Variants in PCDHGA1 observed in about 807,000 individuals in gnomAD.
PCDHGA1 encodes the protein protocadherin gamma-A1.
In PCDHGA1, 32 loss-of-function variants were observed where a neutral mutation model predicts 58.0. The observed-to-expected ratio is 0.55, with a 90% CI of 0.42 to 0.74. The LOEUF (loss-of-function observed/expected upper bound fraction) is 0.74, where lower values mean the gene tolerates loss of function less well. Among genes scored for constraint, PCDHGA1 ranks in the 30% least tolerant of loss-of-function variants. The pLI is 0.00. For missense variants in PCDHGA1, 1,205 were observed against 1,182.3 expected (o/e 1.02, Z -0.28); for synonymous variants, 498 against 501.1 (o/e 0.99, Z 0.08).
chr5:141,485,619 G>A lies in PCDHGA1; in HGVS notation c.2422-9188G>A. On this transcript the variant is annotated intron_variant, in intron 1 of 3. Coordinates refer to ENST00000517417, the MANE Select transcript of PCDHGA1 (RefSeq NM_018912.3). This position sits in a 1 kb window ranked among gnomAD's most constrained non-coding sequence, Gnocchi z 5.7. ...GAAATTGGGGAGGCAGCTCCTCCAG[G>A]ACAGCGTTTCCCGTTGGAAAAGGCT... 3 of 1,612,234 alleles carry A rather than the reference G, an allele frequency of 1.9e-6. No homozygotes were observed. The highest frequency in any genetic ancestry group is 2.5e-6 in the Non-Finnish European group (3 of 1,178,678).
intron 1 of PCDHGA1, chr5:141,390,882 G>C (rs892294372): frequency 6.5e-6 from 1 of 152,824 alleles, no homozygotes; most frequent in Admixed American, 6.5e-5. Flanking sequence ...GTGTGTGTGT[G>C]TGTGTGAGAG....
At chr5:141,409,898 G>A in intron 1 of PCDHGA1, 1 of 1,613,240 alleles carries the variant, frequency 6.2e-7, no homozygotes, top group Non-Finnish European at 8.5e-7. Flanking sequence ...GCTGTACCCA[G>A]CTCTGGGTCC....
rs769074023 is a variant in PCDHGA1 at position 141,491,738 on chromosome 5, G to T, written c.2422-3069G>T. On this transcript the variant is annotated intron_variant, in intron 1 of 3. Transcript: ENST00000517417. The surrounding 1 kb of genome is among the most constrained non-coding windows in gnomAD (Gnocchi z 6.9). The stretch of plus-strand genomic sequence containing the variant: ...GCGCCGCCCCGGGCGACCCCTGGGG[G>T]CGGCACTGGAGAAGCCGCCCGTCCT... 38 of 1,600,228 alleles carry T rather than the reference G, an allele frequency of 2.4e-5. No homozygotes were observed. The highest frequency in any genetic ancestry group is 3.1e-5 in the Non-Finnish European group (36 of 1,174,204).
rs368075478 is a variant in PCDHGA1, at chr5:141,403,866, A to G, written c.2421+70761A>G. The G allele has an allele frequency of 1.3e-4, 207 of 1,613,762 alleles. No individual in the cohort carries two copies. Among genetic ancestry groups the G allele is most frequent in the Non-Finnish European group, 1.6e-4 (186 of 1,179,844 alleles). On this transcript the variant is annotated intron_variant, in intron 1 of 3. Transcript: ENST00000517417. ...AATACTGGGGAAATATCAACAGCAA[A>G]AAGTCTAGATTATGAAGAATGTTCA...
In PCDHGA1 at chr5:141,431,469, A is replaced by G; in HGVS notation, c.2422-63338A>G. 1.9e-6 allele frequency: 3 copies of G among 1,613,824 alleles called. No individual in the cohort carries two copies. Among genetic ancestry groups the G allele is most frequent in the Non-Finnish European group, 2.5e-6 (3 of 1,179,968 alleles). ...CGCGTGATGGTTCTGGATGCGAACG[A>G]CAACGCACCAGCGTTTGCTCAGCCC... is the stretch of plus-strand genomic sequence containing the variant. On this transcript the variant is annotated intron_variant, in intron 1 of 3. Coordinates refer to ENST00000517417, the MANE Select transcript of PCDHGA1 (RefSeq NM_018912.3). This position sits in a 1 kb window ranked among gnomAD's most constrained non-coding sequence, Gnocchi z 4.8.
At chr5:141,415,122 C>G (rs552568826) in intron 1 of PCDHGA1, 1 of 1,613,668 alleles carries the variant, frequency 6.2e-7, no homozygotes, top group Non-Finnish European at 8.5e-7. Context: ...TCGTAGTGGC[C>G]GTCCAGGACC....
chr5:141,404,085 A>G, intron 1 of PCDHGA1: 1 of 1,613,618 alleles, frequency 6.2e-7, no homozygotes, highest in South Asian at 1.1e-5. Context: ...GACTCCGGGA[A>G]GAATGGTCAA....
At chr5:141,385,132 G>A (rs763210124) in intron 1 of PCDHGA1, 9 of 1,614,208 alleles carry the variant, frequency 5.6e-6, no homozygotes, top group Middle Eastern at 1.6e-4. Flanking sequence ...GGGCATGGAC[G>A]GGGTGCAGGC....
intron 1 of PCDHGA1, chr5:141,399,924 G>A: frequency 6.2e-7 from 1 of 1,612,346 alleles, no homozygotes; most frequent in Non-Finnish European, 8.5e-7. Context: ...ACAACGCCTG[G>A]CTGTCCTACC....
chr5:141,482,645 G>A (rs1267966412), intron 1 of PCDHGA1, among the ~76,000 whole-genome samples: 1 of 152,120 alleles, frequency 6.6e-6, no homozygotes, highest in Admixed American at 6.5e-5. Context: ...TAGAGGTGGT[G>A]ATGCTTGAGC....
intron 2 of PCDHGA1, among the ~76,000 whole-genome samples, chr5:141,497,622 C>G (rs1434147255): frequency 6.6e-6 from 1 of 151,538 alleles, no homozygotes; most frequent in African/African-American, 2.4e-5. Context: ...TCACTGCAAC[C>G]TCTGCCTGCC....
Position 141,489,363 on chromosome 5 carries a change from G to A in PCDHGA1, c.2422-5444G>A, listed in dbSNP as rs767837736. On this transcript the variant is annotated intron_variant, in intron 1 of 3. Transcript: ENST00000517417. This position sits in a 1 kb window ranked among gnomAD's most constrained non-coding sequence, Gnocchi z 4.5. ...ACTCAGTGGTGGAGGAGTCTGAGCC[G>A]GGGACGCTGGTGGGGAATGTTGCTC... 46 of 1,613,114 alleles carry A rather than the reference G, an allele frequency of 2.9e-5. 1 individual carries two copies. In the South Asian group the frequency reaches 3.4e-4, roughly 12 times the overall value.
chr5:141,345,495 A>T, intron 1 of PCDHGA1: 2 of 1,614,106 alleles, frequency 1.2e-6, no homozygotes, highest in Non-Finnish European at 1.7e-6. Flanking sequence ...CGCCCGCATC[A>T]CTTATGCATT....
intron 1 of PCDHGA1, among the ~76,000 whole-genome samples, chr5:141,460,317 A>G (rs1045494740): frequency 4.6e-5 from 7 of 152,260 alleles, no homozygotes; most frequent in African/African-American, 1.7e-4. Flanking sequence ...CTCCTTGCCT[A>G]CTGAAAACTT....
At chr5:141,502,140 G>A (rs534984161) in intron 2 of PCDHGA1, among the ~76,000 whole-genome samples, 1 of 152,268 alleles carries the variant, frequency 6.6e-6, no homozygotes, top group South Asian at 2.1e-4. Context: ...CAGTCGGGCC[G>A]GAAGTAAGGA....
chr5:141,390,212 C>T (rs2150413972), intron 1 of PCDHGA1: 1 of 1,614,058 alleles, frequency 6.2e-7, no homozygotes, highest in African/African-American at 1.3e-5. Flanking sequence ...CAGGACAAGA[C>T]ATACTTTGCG....
At position 141,486,392 on chromosome 5, in the gene PCDHGA1, C is replaced by T; in HGVS notation, c.2422-8415C>T. ...GTCTGCCTTCAGGAACCAGTTCTCC[C>T]TGGTGACTGCTGGACCCTTGGATCG... On this transcript the variant is annotated intron_variant, in intron 1 of 3. Coordinates refer to ENST00000517417, the MANE Select transcript of PCDHGA1 (RefSeq NM_018912.3). The surrounding 1 kb of genome is among the most constrained non-coding windows in gnomAD (Gnocchi z 5.0). 1 of 1,614,170 alleles carries T rather than the reference C, an allele frequency of 6.2e-7. No individual in the cohort carries two copies. Among genetic ancestry groups the T allele is most frequent in the Non-Finnish European group, 8.5e-7 (1 of 1,180,014 alleles).
At chr5:141,385,250 G>A (rs1448897004) in intron 1 of PCDHGA1, 2 of 1,613,820 alleles carry the variant, frequency 1.2e-6, no homozygotes, top group Admixed American at 1.7e-5. Flanking sequence ...AGCCAGGAGA[G>A]CTGTGAGAAA....
intron 1 of PCDHGA1, chr5:141,372,151 A>G: frequency 6.2e-7 from 1 of 1,613,654 alleles, no homozygotes; most frequent in South Asian, 1.1e-5. Flanking sequence ...GAGCCTGGCT[A>G]CCTGGTGACC....
Sources: gnomAD v4.1 joint callset for allele counts (sites outside exome capture counted in the v4.1 genomes callset) on GRCh38, gnomAD v4.1.1 for gene constraint, Gnocchi (gnomAD v3.1) non-coding constraint, MANE v1.5 for transcripts, NCBI Gene and HGNC (gene_info 2026-07-23, HGNC 2026-07-21) for gene names.